The following ADAMTSL1 variants were observed in gnomAD, a reference collection of about 807,000 sequenced individuals.
ADAMTSL1 encodes ADAMTS-like protein 1.
A neutral mutation model predicts 201.8 loss-of-function variants in ADAMTSL1; 126 were observed. The ratio of observed to expected loss-of-function variants is 0.62; its 90% confidence interval spans 0.54 to 0.72. The LOEUF is 0.72. ADAMTSL1 is among the 30% of genes least tolerant of loss of function. The pLI is 0.00. For missense variants in ADAMTSL1, 2,679 were observed against 2,277.8 expected, an observed-to-expected ratio of 1.18 and a Z score of -3.59; for synonymous variants, 1,121 against 903.4, an observed-to-expected ratio of 1.24 and a Z score of -4.32.
At chr9:18,707,349 C>A (rs1832290052) in intron 14 of ADAMTSL1, among the ~76,000 whole-genome samples, 1 of 152,232 alleles carries the variant, frequency 6.6e-6, no homozygotes, top group South Asian at 2.1e-4. Flanking sequence ...ACAGTTGACA[C>A]TGACCTGGCC....
chr9:18,672,778 GAATTGTC>G (rs1205684494), intron 9 of ADAMTSL1, among the ~76,000 whole-genome samples: 2 of 152,146 alleles, frequency 1.3e-5, no homozygotes, highest in African/African-American at 4.8e-5. Context: ...TCATTCTCCT[GAATTGTC>G]AATGGACAAT....
At chr9:18,889,236 TTAAAAA>T (rs1368484433) in intron 24 of ADAMTSL1, among the ~76,000 whole-genome samples, 1 of 152,204 alleles carries the variant, frequency 6.6e-6, no homozygotes, top group Non-Finnish European at 1.5e-5. Flanking sequence ...GCCAATATCT[TTAAAAA>T]TAAGATGACC....
chr9:18,875,678 A>G (rs1828102056), intron 23 of ADAMTSL1, among the ~76,000 whole-genome samples: 2 of 152,150 alleles, frequency 1.3e-5, no homozygotes, highest in South Asian at 2.1e-4. Context: ...AACATAGACT[A>G]TCTTGGAGAA....
chr9:18,478,088 G>A (rs1216200702), intron 1 of ADAMTSL1, among the ~76,000 whole-genome samples: 1 of 152,090 alleles, frequency 6.6e-6, no homozygotes, highest in Non-Finnish European at 1.5e-5. Context: ...TGTATAAATT[G>A]GAAAGCAGTC....
intron 2 of ADAMTSL1, among the ~76,000 whole-genome samples, chr9:18,242,842 A>G (rs866801486): frequency 6.6e-6 from 1 of 152,170 alleles, no homozygotes; most frequent in Non-Finnish European, 1.5e-5. Flanking sequence ...AAAGCAATTA[A>G]AGAAAATATA....
intron 1 of ADAMTSL1, among the ~76,000 whole-genome samples, chr9:18,502,882 T>A (rs1200874567): frequency 1.3e-5 from 2 of 152,040 alleles, no homozygotes; most frequent in Non-Finnish European, 2.9e-5. Context: ...CCTGTAAACT[T>A]TCAGAGCCCA....
chr9:18,804,611 C>T (rs1822993814), intron 20 of ADAMTSL1, among the ~76,000 whole-genome samples: 1 of 152,160 alleles, frequency 6.6e-6, no homozygotes, highest in African/African-American at 2.4e-5. Flanking sequence ...CATTAATATT[C>T]AGAATCCATT....
intron 1 of ADAMTSL1, among the ~76,000 whole-genome samples, chr9:18,125,298 A>G (rs1021622383): frequency 6.6e-6 from 1 of 152,114 alleles, no homozygotes; most frequent in Non-Finnish European, 1.5e-5. Flanking sequence ...ATTCACTACC[A>G]TGAGAACAAT....
chr9:18,215,407 C>G (rs927333025), intron 2 of ADAMTSL1, among the ~76,000 whole-genome samples: 2 of 151,898 alleles, frequency 1.3e-5, no homozygotes, highest in Non-Finnish European at 2.9e-5. Context: ...AAAATGAAGA[C>G]AAGAAATATT....
chr9:18,375,725 T>C (rs1479120572), intron 2 of ADAMTSL1, among the ~76,000 whole-genome samples: 2 of 152,280 alleles, frequency 1.3e-5, no homozygotes, highest in Non-Finnish European at 2.9e-5. Context: ...AGAACAAACC[T>C]CCCATAGCAT....
intron 1 of ADAMTSL1, among the ~76,000 whole-genome samples, chr9:18,140,983 A>G (rs992095405): frequency 6.6e-6 from 1 of 152,184 alleles, no homozygotes. Flanking sequence ...GTGAGCTCTG[A>G]AAAGAGAGTG....
At chr9:18,647,292 G>A (rs1322550370) in intron 7 of ADAMTSL1, among the ~76,000 whole-genome samples, 9 of 151,272 alleles carry the variant, frequency 5.9e-5, no homozygotes, top group African/African-American at 1.9e-4. Context: ...TTCTTTATTA[G>A]TCTTCCTAGT....
At chr9:18,618,071 T>C (rs1363521523) in intron 4 of ADAMTSL1, among the ~76,000 whole-genome samples, 1 of 152,206 alleles carries the variant, frequency 6.6e-6, no homozygotes, top group African/African-American at 2.4e-5. Flanking sequence ...TTCCATGACA[T>C]TTCTCTAATA....
intron 21 of ADAMTSL1, among the ~76,000 whole-genome samples, chr9:18,819,905 C>T (rs1241794376): frequency 2.6e-5 from 4 of 152,242 alleles, no homozygotes; most frequent in Non-Finnish European, 5.9e-5. Flanking sequence ...AAAACACTGA[C>T]AGCTATAATG....
intron 2 of ADAMTSL1, among the ~76,000 whole-genome samples, chr9:18,416,351 G>T (rs1456067045): frequency 6.6e-6 from 1 of 151,720 alleles, no homozygotes; most frequent in Non-Finnish European, 1.5e-5. Context: ...AATTTTAGCT[G>T]ATAGACCTAA....
chr9:18,624,540 T>C (rs1826238834), intron 5 of ADAMTSL1, among the ~76,000 whole-genome samples: 1 of 152,228 alleles, frequency 6.6e-6, no homozygotes, highest in African/African-American at 2.4e-5. Context: ...GGAAATGTCA[T>C]GCATGTGTGC....
intron 1 of ADAMTSL1, among the ~76,000 whole-genome samples, chr9:18,161,352 A>G (rs1324501897): frequency 1.3e-5 from 2 of 152,098 alleles, no homozygotes; most frequent in Non-Finnish European, 2.9e-5. Context: ...AGAAAATGCA[A>G]CTAAGTTCAT....
At chr9:18,079,064 T>C (rs1823358705) in intron 1 of ADAMTSL1, among the ~76,000 whole-genome samples, 1 of 152,116 alleles carries the variant, frequency 6.6e-6, no homozygotes, top group African/African-American at 2.4e-5. Context: ...GAACGCTGAG[T>C]GGCCCCATAG....
At chr9:18,013,373 C>T (rs1448576843) in intron 1 of ADAMTSL1, among the ~76,000 whole-genome samples, 1 of 151,922 alleles carries the variant, frequency 6.6e-6, no homozygotes, top group Non-Finnish European at 1.5e-5. Flanking sequence ...ATGTGTTTTT[C>T]AGAGAACAGA....
Sources: gnomAD v4.1 joint callset for allele counts (sites outside exome capture counted in the v4.1 genomes callset) on GRCh38, gnomAD v4.1.1 for gene constraint, MANE v1.5 for transcripts, NCBI Gene and HGNC (gene_info 2026-07-23, HGNC 2026-07-21) for gene names.